ARHGEF17: variants seen among roughly 807,000 people sequenced by gnomAD.
ARHGEF17 encodes Rho guanine nucleotide exchange factor 17.
ARHGEF17 carries 80 observed loss-of-function variants against 174.0 expected under a neutral mutation model. The observed-to-expected ratio is 0.46, with a 90% CI of 0.38 to 0.55. The LOEUF (loss-of-function observed/expected upper bound fraction) is 0.55, where lower values mean the gene tolerates loss of function less well. ARHGEF17 is among the 20% of genes least tolerant of loss of function. ARHGEF17 has a pLI of 0.00. For synonymous variants in ARHGEF17, 1,311 were observed against 1,189.1 expected (o/e 1.10, Z -2.11); for missense variants, 2,886 against 2,839.7 (o/e 1.02, Z -0.37).
chr11:73,309,221 G>C lies in ARHGEF17; in HGVS notation c.583G>C (p.Gly195Arg), dbSNP rs1238485617. 1.9e-6 allele frequency: 3 copies of C among 1,600,568 alleles called. No individual in the cohort carries two copies. Among genetic ancestry groups the C allele is most frequent in the Non-Finnish European group, 2.6e-6 (3 of 1,173,602 alleles). Residue 195 changes from glycine (G) to arginine (R), a missense_variant, in exon 1 of 21, where the codon GGG becomes CGG. Gly to Arg is a moderately radical substitution (Grantham distance 125, BLOSUM62 -2). Around this residue, in one of 4 missense-constraint regions of ARHGEF17, gnomAD observed 1,728 missense variants for 1,461.2 expected, o/e 1.18. Coordinates refer to ENST00000263674, the MANE Select transcript of ARHGEF17 (RefSeq NM_014786.4). ...ARPLTGPETE[G>R]RLRRPQQQQE... ...GCCCCTGACCGGGCCGGAGACCGAAGGGAGGCTGCGCCGGCCGCAGCAGCA... is the reference window on the plus strand; with the variant it reads ...GCCCCTGACCGGGCCGGAGACCGAACGGAGGCTGCGCCGGCCGCAGCAGCA...
chr11:73,356,600 C>A, intron 6 of ARHGEF17, 109 bp from the exon 7 acceptor site: 1 of 1,425,782 alleles, frequency 7.0e-7, no homozygotes, highest in Non-Finnish European at 9.7e-7. Flanking sequence ...AAGCATGCTG[C>A]TTCCATTGGC....
rs914352311 is a variant in ARHGEF17 at position 73,364,113 on chromosome 11, C to A, written c.5334-59C>A. On this transcript the variant is annotated intron_variant, in intron 16 of 20. Transcript: ENST00000263674. ...CATTCTATCTGTGGTTCCCCTGGTC[C>A]TGGGTGACCCACTTTGGCTGCCTGA... 2.2e-5 allele frequency: 34 copies of A among 1,560,142 alleles called. No individual in the cohort carries two copies. In the Admixed American group the frequency reaches 5.5e-4, roughly 25 times the overall value.
At position 73,365,402 on chromosome 11, in the gene ARHGEF17, G is replaced by T; in HGVS notation, c.5563G>T (p.Val1855Leu). Residue 1855 changes from valine (V) to leucine (L), a missense_variant, in exon 19 of 21, where the codon GTG (valine) becomes TTG (leucine). By Grantham distance (32) the Val-to-Leu change is conservative. Transcript: ENST00000263674. This position sits in a 1 kb window ranked among gnomAD's most constrained non-coding sequence, Gnocchi z 4.9. Reference sequence around the variant, plus strand: ...CCGCCTTCCCCAGCACATGTTTTACGTGGGTCAGGATTCAAGCCGCTGCGT... The same window carrying T: ...CCGCCTTCCCCAGCACATGTTTTACTTGGGTCAGGATTCAAGCCGCTGCGT... ...DTLQLEHMFY[V>L]GQDSSRCVAC... The T allele has an allele frequency of 6.2e-7, 1 of 1,613,928 alleles. No homozygotes were observed. The highest frequency in any genetic ancestry group is 1.3e-5 in the African/African-American group (1 of 75,046).
At position 73,308,943 on chromosome 11, in the gene ARHGEF17, G is replaced by A. The variant is rs779668102; in HGVS notation, c.305G>A (p.Arg102Gln). ...CTGGACGACGGCTCCGCTGGGACCC[G>A]AGACGGAGGCGTCTTACCCGCGGCC... ...PRLDDGSAGT[R>Q]DGGVLPAAAE... The change falls in exon 1 of 21, where the codon CGA becomes CAA. Residue 102 changes from arginine (R) to glutamine (Q), a missense_variant. Physicochemically the swap from Arg to Gln is conservative, Grantham distance 43. Coordinates refer to ENST00000263674, the MANE Select transcript of ARHGEF17 (RefSeq NM_014786.4). 3.2e-5 allele frequency: 44 copies of A among 1,361,070 alleles called. No individual in the cohort carries two copies. The South Asian group carries it at 7.5e-4, about 23-fold the overall frequency. 84.3% of individuals were successfully genotyped at this position (1,361,070 alleles called of 1,614,324 possible).
chr11:73,355,458 T>C, intron 3 of ARHGEF17, 75 bp from the exon 4 acceptor site: 1 of 909,000 alleles, frequency 1.1e-6, no homozygotes, highest in Non-Finnish European at 1.8e-6. Flanking sequence ...GACTCATGAA[T>C]CAGTGAAAAC....
Position 73,356,135 on chromosome 11 carries a change from G to A in ARHGEF17, c.3664-40G>A, listed in dbSNP as rs200851002. Reference sequence around the variant, plus strand: ...GCTCCAGCAGTCTGGGGCCCCAGGGGTAGCTAAGCAGTCAGGTCTGCTCCC... The same window carrying A: ...GCTCCAGCAGTCTGGGGCCCCAGGGATAGCTAAGCAGTCAGGTCTGCTCCC... On this transcript the variant is annotated intron_variant, in intron 5 of 20. Coordinates refer to ENST00000263674, the MANE Select transcript of ARHGEF17 (RefSeq NM_014786.4). 156 of 1,608,556 alleles carry A rather than the reference G, an allele frequency of 9.7e-5. 1 individual carries two copies. In the South Asian group the frequency reaches 1.2e-3, roughly 12 times the overall value.
Position 73,309,776 on chromosome 11 carries a change from T to G in ARHGEF17, c.1138T>G (p.Tyr380Asp), listed in dbSNP as rs776463662. The change falls in exon 1 of 21, where the codon TAC (tyrosine) becomes GAC (aspartate). Residue 380 changes from tyrosine to aspartate, a missense_variant. This residue lies in a region of ARHGEF17 where 1,728 missense variants were observed against 1,461.2 expected (regional missense o/e 1.18). Transcript: ENST00000263674. ...TGTGGCCAAGGTGAGCTTTCCCTCG[T>G]ACCTGGCCAGCCCCGCAGGCTCCCG... Reference protein sequence around the residue: ...FRVAKVSFPSYLASPAGSRGS... With the variant: ...FRVAKVSFPSDLASPAGSRGS... 2 of 1,613,012 alleles carry G rather than the reference T, an allele frequency of 1.2e-6. No homozygotes were observed. The highest frequency in any genetic ancestry group is 3.3e-5 in the Admixed American group (2 of 60,030).
intron 1 of ARHGEF17, among the ~76,000 whole-genome samples, chr11:73,333,644 A>G (rs759801856): frequency 1.3e-5 from 2 of 152,122 alleles, no homozygotes; most frequent in African/African-American, 4.8e-5. Flanking sequence ...GGCTGGAGTG[A>G]CCGACTGATG....
intron 3 of ARHGEF17, among the ~76,000 whole-genome samples, chr11:73,354,057 T>G (rs1199044770): frequency 6.6e-6 from 1 of 152,192 alleles, no homozygotes; most frequent in Non-Finnish European, 1.5e-5. Context: ...AGTGAAAAAT[T>G]ATATCTATTT....
At chr11:73,315,534 TTG>T (rs1448445762) in intron 1 of ARHGEF17, among the ~76,000 whole-genome samples, 2 of 152,056 alleles carry the variant, frequency 1.3e-5, no homozygotes, top group Non-Finnish European at 2.9e-5. Context: ...CCTTGGCTCT[TTG>T]TGTGATTTTT....
chr11:73,342,136 G>T (rs1865379954), intron 1 of ARHGEF17, among the ~76,000 whole-genome samples: 1 of 150,580 alleles, frequency 6.6e-6, no homozygotes, highest in East Asian at 2.0e-4. Flanking sequence ...ACAGTCTAGG[G>T]ATGGGAGCAC....
At chr11:73,331,621 T>TG (rs912000691) in intron 1 of ARHGEF17, among the ~76,000 whole-genome samples, 43 of 136,930 alleles carry the variant, frequency 3.1e-4, no homozygotes, top group African/African-American at 8.0e-4. Context: ...CGAGGGGGAG[T>TG]GGGGGGGTGC....
intron 2 of ARHGEF17, among the ~76,000 whole-genome samples, chr11:73,348,131 G>T (rs1865494935): frequency 6.6e-6 from 1 of 152,168 alleles, no homozygotes; most frequent in Admixed American, 6.5e-5. Flanking sequence ...GGATGAATTT[G>T]CCCAAGCTAG....
rs1443542260 is a variant in ARHGEF17 at position 73,311,341 on chromosome 11, A to T, written c.2703A>T (p.Arg901=). The change falls in exon 1 of 21, where the codon CGA becomes CGT. Residue 901 remains arginine, a synonymous_variant. Coordinates refer to ENST00000263674, the MANE Select transcript of ARHGEF17 (RefSeq NM_014786.4). ...TGCCTCCCCCTGCCACTGCCCACCG[A>T]AACTTTCACCTTGACCCCAAGCTGG... ...EALPPPATAH[R]NFHLDPKLAD... The T allele has an allele frequency of 1.2e-6, 2 of 1,613,334 alleles. No homozygotes were observed. The highest frequency in any genetic ancestry group is 1.7e-6 in the Non-Finnish European group (2 of 1,180,020).
At chr11:73,317,572 C>T (rs577357810) in intron 1 of ARHGEF17, among the ~76,000 whole-genome samples, 71 of 152,322 alleles carry the variant, frequency 4.7e-4, no homozygotes, top group African/African-American at 1.3e-3. Flanking sequence ...GAAGCCCTGG[C>T]GTACTTACTG....
At chr11:73,319,062 C>T (rs1338649341) in intron 1 of ARHGEF17, among the ~76,000 whole-genome samples, 2 of 149,024 alleles carry the variant, frequency 1.3e-5, no homozygotes, top group South Asian at 2.1e-4. Context: ...CTCCTTCCTC[C>T]GTCTTTTTTT....
At chr11:73,320,692 C>G (rs937159849) in intron 1 of ARHGEF17, among the ~76,000 whole-genome samples, 1 of 145,022 alleles carries the variant, frequency 6.9e-6, no homozygotes, top group Non-Finnish European at 1.5e-5. Context: ...CAGGGTCTCA[C>G]TCTCTCAACC....
chr11:73,358,035 G>A lies in ARHGEF17; in HGVS notation c.4087+708G>A, dbSNP rs191757321. Among the ~76,000 whole-genome samples the A allele has an allele frequency of 2.7e-3, 417 of 152,240 alleles. 3 individuals carry two copies. Among genetic ancestry groups the A allele is most frequent in the African/African-American group, 9.6e-3 (398 of 41,544 alleles). On this transcript the variant is annotated intron_variant, in intron 9 of 20. Transcript: ENST00000263674. ...TACCAGCTGATTATTACTCTAATTG[G>A]TCCAAGTCAATAGAATGACCACCTT...
intron 15 of ARHGEF17, 123 bp downstream of exon 15, chr11:73,363,578 AC>A: frequency 1.3e-6 from 2 of 1,509,006 alleles, no homozygotes; most frequent in Non-Finnish European, 1.8e-6. Context: ...GGTACTGCTG[AC>A]CAGGGATGTC....
Sources: gnomAD v4.1 joint callset for allele counts (sites outside exome capture counted in the v4.1 genomes callset) on GRCh38, gnomAD v4.1.1 for gene constraint, gnomAD v4.1.1 regional missense constraint, Gnocchi (gnomAD v3.1) non-coding constraint, MANE v1.5 for transcripts, NCBI Gene and HGNC (gene_info 2026-07-23, HGNC 2026-07-21) for gene names.